The following SEMA3A variants were observed in gnomAD, a reference collection of about 807,000 sequenced individuals.
The protein encoded by SEMA3A is semaphorin-3A.
In SEMA3A, 29 loss-of-function variants were observed where a neutral mutation model predicts 97.9. The ratio of observed to expected loss-of-function variants is 0.30; its 90% CI spans 0.22 to 0.40. The LOEUF (loss-of-function observed/expected upper bound fraction) is 0.40. Ranked by LOEUF, SEMA3A falls within the 10% of genes least tolerant of loss-of-function variation. SEMA3A has a pLI of 1.00. For missense variants in SEMA3A, 763 were observed against 951.3 expected (o/e 0.80, Z 2.60); for synonymous variants, 321 against 323.7 (o/e 0.99, Z 0.09).
At chr7:83,986,970 T>TCACACA (rs61054337) in intron 12 of SEMA3A, among the ~76,000 whole-genome samples, 5 of 106,854 alleles carry the variant, frequency 4.7e-5, no homozygotes, top group African/African-American at 1.2e-4. Context: ...TCTCTCTCTT[T>TCACACA]CACACACACA....
At chr7:84,047,968 A>G (rs1163309751) in intron 5 of SEMA3A, among the ~76,000 whole-genome samples, 1 of 152,020 alleles carries the variant, frequency 6.6e-6, no homozygotes, top group African/African-American at 2.4e-5. Context: ...ACAGTGGAGA[A>G]AAGCGACACA....
In SEMA3A at chr7:84,381,056, A is replaced by G. The variant is rs148897748; in HGVS notation, c.-245-9156T>C. Among the ~76,000 whole-genome samples, 46 of 152,308 alleles carry G rather than the reference A, an allele frequency of 3.0e-4. 1 individual carries two copies. Among genetic ancestry groups the G allele is most frequent in the Middle Eastern group, 3.4e-3 (1 of 294 alleles). On this transcript the variant is annotated intron_variant, in intron 1 of 3. Coordinates refer to the SEMA3A transcript ENST00000424555. The stretch of plus-strand genomic sequence containing the variant: ...GATTAGAACATGGACATCTCTGGGA[A>G]CCATCGTTATTGCCTACCAGATCCT...
intron 2 of SEMA3A, among the ~76,000 whole-genome samples, chr7:84,370,868 TAA>T (rs1347683297): frequency 6.6e-6 from 1 of 151,428 alleles, no homozygotes; most frequent in African/African-American, 2.4e-5. Context: ...TCAGTTCCCC[TAA>T]GTTTTTCCAT....
chr7:84,309,660 G>A (rs1408386073), intron 2 of SEMA3A, among the ~76,000 whole-genome samples: 2 of 152,284 alleles, frequency 1.3e-5, no homozygotes, highest in African/African-American at 4.8e-5. Context: ...CATACACAGT[G>A]TTATGAAATA....
At chr7:83,964,020 A>G (rs1788577820) in intron 15 of SEMA3A, among the ~76,000 whole-genome samples, 1 of 152,182 alleles carries the variant, frequency 6.6e-6, no homozygotes, top group African/African-American at 2.4e-5. Flanking sequence ...TTTTAAAATG[A>G]CACATCTTTC....
Position 84,071,314 on chromosome 7 carries a change from G to C in SEMA3A, c.454-10756C>G, listed in dbSNP as rs113281938. Among the ~76,000 whole-genome samples the C allele has an allele frequency of 1.1e-3, 174 of 152,180 alleles. 1 individual carries two copies. Among genetic ancestry groups the C allele is most frequent in the African/African-American group, 4.1e-3 (169 of 41,534 alleles). ...TATGCCCTTAACAGCACACAATATAGAGTCAGCAGTCAGAGGACCTCCAGG... is the reference window on the plus strand; with the variant it reads ...TATGCCCTTAACAGCACACAATATACAGTCAGCAGTCAGAGGACCTCCAGG... On this transcript the variant is annotated intron_variant, in intron 4 of 16. Transcript: ENST00000265362.
chr7:84,072,568 C>G (rs1793780364), intron 4 of SEMA3A, among the ~76,000 whole-genome samples: 1 of 152,002 alleles, frequency 6.6e-6, no homozygotes, highest in Non-Finnish European at 1.5e-5. Flanking sequence ...ATTTTTGAGA[C>G]TTTGCTAATT....
At chr7:84,106,426 T>A (rs1262468192) in intron 4 of SEMA3A, among the ~76,000 whole-genome samples, 2 of 152,128 alleles carry the variant, frequency 1.3e-5, no homozygotes, top group Non-Finnish European at 2.9e-5. Context: ...TAGTAGGCTA[T>A]CCCATCTAGA....
chr7:84,348,749 C>T (rs1192240559), intron 2 of SEMA3A, among the ~76,000 whole-genome samples: 2 of 152,094 alleles, frequency 1.3e-5, no homozygotes, highest in Admixed American at 6.6e-5. Flanking sequence ...CTTTGGGAGG[C>T]CAAGGCAGGC....
At chr7:84,329,705 AC>A (rs1801866539) in intron 2 of SEMA3A, among the ~76,000 whole-genome samples, 1 of 152,062 alleles carries the variant, frequency 6.6e-6, no homozygotes, top group Non-Finnish European at 1.5e-5. Flanking sequence ...TGTTTACCAT[AC>A]CCTTATAAAA....
At chr7:84,172,002 G>C (rs1422349227) in intron 1 of SEMA3A, among the ~76,000 whole-genome samples, 1 of 152,248 alleles carries the variant, frequency 6.6e-6, no homozygotes, top group Non-Finnish European at 1.5e-5. Flanking sequence ...TCAAAAGTAA[G>C]AATTCACTCT....
chr7:84,011,264 T>G lies in SEMA3A; in HGVS notation c.844A>C (p.Lys282Gln). 6.2e-7 allele frequency: 1 copy of G among 1,613,976 alleles called. No homozygotes were observed. The highest frequency in any genetic ancestry group is 8.5e-7 in the Non-Finnish European group (1 of 1,179,858). Residue 282 changes from lysine to glutamine, a missense_variant, in exon 8 of 17, where the codon AAA becomes CAA. By Grantham distance (53) the Lys-to-Gln change is moderately conservative. Around this residue, in one of 2 missense-constraint regions of SEMA3A, gnomAD observed 678 missense variants for 881.3 expected, o/e 0.77. Coordinates refer to ENST00000265362, the MANE Select transcript of SEMA3A (RefSeq NM_006080.3). Reference sequence around the variant, plus strand: ...CGAGCTTTGAGGAATGTTGTCCATTTATTCACCAGACTTCTGTGCCCTCCA... The same window carrying G: ...CGAGCTTTGAGGAATGTTGTCCATTGATTCACCAGACTTCTGTGCCCTCCA... ...DFGGHRSLVN[K>Q]WTTFLKARLI...
intron 1 of SEMA3A, among the ~76,000 whole-genome samples, chr7:84,146,393 T>A (rs905837850): frequency 2.4e-4 from 37 of 152,288 alleles, no homozygotes; most frequent in African/African-American, 7.5e-4. Context: ...ATAGGTCTCC[T>A]GGCTCCACAT....
intron 2 of SEMA3A, among the ~76,000 whole-genome samples, chr7:84,330,016 T>C (rs1801875488): frequency 6.6e-6 from 1 of 152,026 alleles, no homozygotes; most frequent in African/African-American, 2.4e-5. Context: ...ATAATCCATA[T>C]CAGATTCCCC....
At chr7:84,322,860 T>C (rs1801682961) in intron 2 of SEMA3A, among the ~76,000 whole-genome samples, 1 of 152,176 alleles carries the variant, frequency 6.6e-6, no homozygotes, top group African/African-American at 2.4e-5. Flanking sequence ...CCTGAAGGAC[T>C]TTGCATTTGA....
At chr7:84,325,577 A>G (rs947028392) in intron 2 of SEMA3A, among the ~76,000 whole-genome samples, 1 of 152,010 alleles carries the variant, frequency 6.6e-6, no homozygotes, top group African/African-American at 2.4e-5. Flanking sequence ...GGCAAAGGAG[A>G]TCAGCGATAT....
intron 6 of SEMA3A, among the ~76,000 whole-genome samples, chr7:84,045,705 T>A (rs1036322767): frequency 6.6e-6 from 1 of 151,828 alleles, no homozygotes; most frequent in Admixed American, 6.6e-5. Context: ...GATCAAGTAG[T>A]TAAGCCAGTG....
intron 6 of SEMA3A, among the ~76,000 whole-genome samples, chr7:84,025,813 G>A (rs933943043): frequency 6.6e-6 from 1 of 152,154 alleles, no homozygotes; most frequent in Non-Finnish European, 1.5e-5. Flanking sequence ...CTGGGATTAA[G>A]ACCCAGCGAA....
At chr7:83,993,382 C>T (rs963496660) in intron 12 of SEMA3A, among the ~76,000 whole-genome samples, 12 of 150,934 alleles carry the variant, frequency 8.0e-5, no homozygotes, top group Non-Finnish European at 1.6e-4. Flanking sequence ...TTATTTTGCT[C>T]GTTAGTTGAT....
Sources: allele counts gnomAD v4.1 joint callset (sites outside exome capture counted in the v4.1 genomes callset), GRCh38; gene constraint gnomAD v4.1.1; regional missense constraint gnomAD v4.1.1; transcripts MANE v1.5; gene names NCBI Gene and HGNC (gene_info 2026-07-23, HGNC 2026-07-21).